The following DOCK10 variants were observed in gnomAD, a reference collection of about 807,000 sequenced individuals.
DOCK10 encodes dedicator of cytokinesis protein 10.
Under a neutral mutation model 280.1 loss-of-function variants are expected in DOCK10, and 145 were observed. The ratio of observed to expected loss-of-function variants is 0.52; its 90% CI spans 0.45 to 0.59. The LOEUF (loss-of-function observed/expected upper bound fraction) is 0.59. Among genes scored for constraint, DOCK10 ranks in the 20% least tolerant of loss-of-function variants. The pLI is 0.00. For missense variants in DOCK10, 2,368 were observed against 2,651.7 expected, an observed-to-expected ratio of 0.89 and a Z score of 2.35; for synonymous variants, 915 against 942.2, an observed-to-expected ratio of 0.97 and a Z score of 0.53.
intron 4 of DOCK10, among the ~76,000 whole-genome samples, chr2:224,889,693 A>G (rs1251350040): frequency 6.6e-6 from 1 of 152,228 alleles, no homozygotes; most frequent in Admixed American, 6.5e-5. Context: ...AAGTAGCAGA[A>G]GACAGAGTTC....
chr2:224,816,217 A>G (rs887470411), intron 30 of DOCK10, among the ~76,000 whole-genome samples: 1 of 148,478 alleles, frequency 6.7e-6, no homozygotes, highest in Non-Finnish European at 1.5e-5. Flanking sequence ...ATATATATTT[A>G]TATATATAAT....
At chr2:224,855,071 A>T in intron 15 of DOCK10, 29 bp from the exon 16 acceptor site, 1 of 991,558 alleles carries the variant, frequency 1.0e-6, no homozygotes, top group Non-Finnish European at 1.5e-6. Flanking sequence ...AAGGACACAC[A>T]CACACACACA....
intron 24 of DOCK10, 52 bp from the exon 25 acceptor site, chr2:224,837,883 C>T (rs1181330551): frequency 1.1e-5 from 16 of 1,417,226 alleles, no homozygotes; most frequent in Admixed American, 1.7e-5. Context: ...AGAAAAACCC[C>T]GCTTTAGTTT....
chr2:224,883,057 T>C (rs1227940562), intron 7 of DOCK10, among the ~76,000 whole-genome samples: 5 of 152,332 alleles, frequency 3.3e-5, no homozygotes, highest in South Asian at 2.1e-4. Context: ...AATGCAGGGA[T>C]AGAGGTGAAC....
At chr2:224,852,227 T>G (rs1278460423) in intron 18 of DOCK10, 150 bp downstream of exon 18, 1 of 600,054 alleles carries the variant, frequency 1.7e-6, no homozygotes, top group African/African-American at 1.9e-5. Flanking sequence ...TAATGAGGAC[T>G]GTTAAATCAG....
Position 224,770,556 on chromosome 2 carries a change from CT to C in DOCK10, c.6293del (p.Lys2098ArgfsTer17). 1 of 1,613,648 alleles carries C rather than the reference CT, an allele frequency of 6.2e-7. No homozygotes were observed. Among genetic ancestry groups the C allele is most frequent in the Non-Finnish European group, 8.5e-7 (1 of 1,179,554 alleles). ...AGCGAGAAGCTTACCTGAAGATCTCCTTCAAAAGCTTTACTTGGTTGTCAGG... is the reference window on the plus strand; with the variant it reads ...AGCGAGAAGCTTACCTGAAGATCTCCTCAAAAGCTTTACTTGGTTGTCAGG... ...KYPDNQVKLL[K>X]EIFRQFADAC... On this transcript the variant is annotated frameshift_variant, in exon 54 of 56. Coordinates refer to ENST00000258390, the MANE Select transcript of DOCK10 (RefSeq NM_014689.3). LOFTEE classifies it high-confidence loss of function. The surrounding 1 kb of genome is among the most constrained non-coding windows in gnomAD (Gnocchi z 4.5).
chr2:224,824,047 A>T (rs1694684722), intron 27 of DOCK10, among the ~76,000 whole-genome samples: 1 of 152,216 alleles, frequency 6.6e-6, no homozygotes, highest in Non-Finnish European at 1.5e-5. Flanking sequence ...TATTTTGGAC[A>T]TGTAGTTCTC....
chr2:224,961,628 T>C (rs1192933674), intron 1 of DOCK10, among the ~76,000 whole-genome samples: 1 of 151,570 alleles, frequency 6.6e-6, no homozygotes, highest in African/African-American at 2.4e-5. Context: ...TGCCTCAGCC[T>C]CCTGAGTAGC....
At chr2:224,863,423 G>A (rs1238209781) in intron 13 of DOCK10, among the ~76,000 whole-genome samples, 1 of 152,054 alleles carries the variant, frequency 6.6e-6, no homozygotes, top group Non-Finnish European at 1.5e-5. Context: ...TCTTTGGCAT[G>A]GAAAATATAG....
In DOCK10 at chr2:224,874,161, T is replaced by C. The variant is rs999169341; in HGVS notation, c.1102-10A>G. ...TTTGAAGTTTCAAGGTCTAAAAAAGTTTTGAATGAGTCACCAAACATCCAA... is the reference window on the plus strand; with the variant it reads ...TTTGAAGTTTCAAGGTCTAAAAAAGCTTTGAATGAGTCACCAAACATCCAA... On this transcript the variant is annotated splice_polypyrimidine_tract_variant and intron_variant, in intron 10 of 55. Transcript: ENST00000258390. 1.3e-6 allele frequency: 2 copies of C among 1,582,012 alleles called. No individual in the cohort carries two copies. Among genetic ancestry groups the C allele is most frequent in the Non-Finnish European group, 1.7e-6 (2 of 1,164,652 alleles).
intron 8 of DOCK10, among the ~76,000 whole-genome samples, chr2:224,874,985 C>T (rs1351855572): frequency 6.6e-6 from 1 of 152,166 alleles, no homozygotes; most frequent in Admixed American, 6.5e-5. Flanking sequence ...CTTGTGTCCA[C>T]AAGAACTTTG....
At position 224,861,223 on chromosome 2, in the gene DOCK10, T is replaced by C. The variant is rs529973204; in HGVS notation, c.1685+1441A>G. On this transcript the variant is annotated intron_variant, in intron 14 of 55. Coordinates refer to ENST00000258390, the MANE Select transcript of DOCK10 (RefSeq NM_014689.3). ...AATGTCCTGGCATTAGTTGTTCCTA[T>C]AGAAAGAGATAGAAAAGGGAGGATA... The C allele has an allele frequency of 4.7e-4, 72 of 152,306 alleles. 1 individual carries two copies. The highest frequency in any genetic ancestry group is 1.7e-3 in the African/African-American group (71 of 41,574). The allele number at this position is 152,306 out of a possible 1,614,324, so 9.4% of individuals were successfully genotyped here.
chr2:224,832,506 T>C (rs527491448), intron 26 of DOCK10, among the ~76,000 whole-genome samples: 4 of 152,150 alleles, frequency 2.6e-5, no homozygotes, highest in African/African-American at 4.8e-5. Context: ...CTGACTCAGA[T>C]AAAAAAGAGA....
chr2:224,947,640 A>G (rs1298866202), intron 1 of DOCK10, among the ~76,000 whole-genome samples: 2 of 152,186 alleles, frequency 1.3e-5, no homozygotes, highest in Admixed American at 6.5e-5. Flanking sequence ...TAGTTCCCTC[A>G]TCTTTAGATC....
intron 1 of DOCK10, among the ~76,000 whole-genome samples, chr2:224,998,552 C>A (rs1000101280): frequency 6.6e-6 from 1 of 152,124 alleles, no homozygotes; most frequent in African/African-American, 2.4e-5. Flanking sequence ...TCTCCTGGTT[C>A]CTTCCCTTTA....
chr2:224,965,629 T>C (rs1185364021), intron 1 of DOCK10, among the ~76,000 whole-genome samples: 1 of 152,234 alleles, frequency 6.6e-6, no homozygotes, highest in East Asian at 1.9e-4. Flanking sequence ...AATACACAGA[T>C]AGTAGCTTAA....
intron 14 of DOCK10, among the ~76,000 whole-genome samples, chr2:224,858,160 A>C (rs1697267238): frequency 6.6e-6 from 1 of 152,240 alleles, no homozygotes; most frequent in Non-Finnish European, 1.5e-5. Context: ...AAGGAAGTTA[A>C]ACTGAGCTTG....
At chr2:224,868,993 C>G (rs1428561878) in intron 11 of DOCK10, among the ~76,000 whole-genome samples, 2 of 152,106 alleles carry the variant, frequency 1.3e-5, no homozygotes, top group African/African-American at 4.8e-5. Flanking sequence ...AATTAAAGCT[C>G]ATGTGGTGAT....
intron 3 of DOCK10, among the ~76,000 whole-genome samples, chr2:224,909,006 TG>T (rs1700842979): frequency 6.6e-6 from 1 of 152,228 alleles, no homozygotes; most frequent in Admixed American, 6.5e-5. Context: ...TCAGCTGAAG[TG>T]GTCCCTAGAC....
Sources: gnomAD v4.1 joint callset for allele counts (sites outside exome capture counted in the v4.1 genomes callset) on GRCh38, gnomAD v4.1.1 for gene constraint, Gnocchi (gnomAD v3.1) non-coding constraint, MANE v1.5 for transcripts, NCBI Gene and HGNC (gene_info 2026-07-23, HGNC 2026-07-21) for gene names.